The following AMOTL1 variants were observed in gnomAD, a reference collection of about 807,000 sequenced individuals.
AMOTL1 encodes the protein angiomotin-like protein 1.
In AMOTL1, 45 loss-of-function variants were observed where a neutral mutation model predicts 102.9. The observed-to-expected ratio is 0.44, with a 90% CI of 0.34 to 0.56. The LOEUF (loss-of-function observed/expected upper bound fraction) is 0.56. AMOTL1 is among the 20% of genes least tolerant of loss of function. The probability of loss-of-function intolerance (pLI) is 0.01; values close to 1 mark genes in which losing one functional copy is unlikely to be tolerated. For synonymous variants in AMOTL1, 481 were observed against 484.7 expected (o/e 0.99, Z 0.10); for missense variants, 1,114 against 1,225.6 (o/e 0.91, Z 1.36).
At chr11:94,730,271 G>A (rs976005509) in intron 2 of AMOTL1, among the ~76,000 whole-genome samples, 1 of 152,084 alleles carries the variant, frequency 6.6e-6, no homozygotes, top group Non-Finnish European at 1.5e-5. Flanking sequence ...CCTTCTCACT[G>A]TATCAGCCTC....
chr11:94,779,163 T>C (rs1323616814), intron 1 of AMOTL1, among the ~76,000 whole-genome samples: 1 of 152,184 alleles, frequency 6.6e-6, no homozygotes, highest in Admixed American at 6.5e-5. Context: ...TTAGATAAAG[T>C]ATGAAAAACG....
intron 1 of AMOTL1, among the ~76,000 whole-genome samples, chr11:94,707,014 C>G (rs1278945944): frequency 1.3e-5 from 2 of 152,008 alleles, no homozygotes; most frequent in Non-Finnish European, 2.9e-5. Flanking sequence ...CTCTGGAGAG[C>G]CTTGATTTGC....
In AMOTL1 at chr11:94,874,130, T is replaced by C. The variant is rs895293541; in HGVS notation, c.*3335T>C. On this transcript the variant is annotated 3_prime_UTR_variant, in exon 13 of 13. Coordinates refer to ENST00000433060, the MANE Select transcript of AMOTL1 (RefSeq NM_130847.3). ...TTCTGTGTGCTGCCAGGATATTATA[T>C]GGAACTGGAGAAGTTGGAGTCAGGT... is the stretch of plus-strand genomic sequence containing the variant. 7 of 152,266 alleles carry C rather than the reference T, an allele frequency of 4.6e-5. No homozygotes were observed. The highest frequency in any genetic ancestry group is 1.0e-4 in the Non-Finnish European group (7 of 68,072). The allele number at this position is 152,266 out of a possible 1,614,324, so 9.4% of individuals were successfully genotyped here. A position where few individuals can be genotyped will look rare whatever the true frequency, so the allele number is the denominator to read the frequency against.
At chr11:94,723,371 A>G (rs1003864355) in intron 1 of AMOTL1, among the ~76,000 whole-genome samples, 6 of 152,178 alleles carry the variant, frequency 3.9e-5, no homozygotes, top group Admixed American at 6.6e-5. Flanking sequence ...TGTGGTCTCA[A>G]TGAACCAACT....
chr11:94,709,971 A>T (rs1949996432), intron 1 of AMOTL1, among the ~76,000 whole-genome samples: 1 of 152,146 alleles, frequency 6.6e-6, no homozygotes, highest in Admixed American at 6.5e-5. Context: ...AGTTAAAAAG[A>T]CTCGAGAAAG....
At chr11:94,813,588 G>A (rs1951718103) in intron 3 of AMOTL1, among the ~76,000 whole-genome samples, 1 of 152,186 alleles carries the variant, frequency 6.6e-6, no homozygotes, top group African/African-American at 2.4e-5. Flanking sequence ...CACACCCACT[G>A]CATAACCTGC....
chr11:94,868,187 G>A lies in AMOTL1; in HGVS notation c.2489-1011G>A, dbSNP rs954951110. ...TTGCATTTTGAAAAGCACTGCTCTCGACAAACTGAACTGCCCTGAGTTCTA... is the reference window on the plus strand; with the variant it reads ...TTGCATTTTGAAAAGCACTGCTCTCAACAAACTGAACTGCCCTGAGTTCTA... On this transcript the variant is annotated intron_variant, in intron 11 of 12. Coordinates refer to ENST00000433060, the MANE Select transcript of AMOTL1 (RefSeq NM_130847.3). 4.6e-5 allele frequency among the ~76,000 whole-genome samples: 7 copies of A among 152,296 alleles called. 1 individual carries two copies. Among genetic ancestry groups the A allele is most frequent in the South Asian group, 4.1e-4 (2 of 4,828 alleles).
chr11:94,755,532 A>C (rs774045670), intron 3 of AMOTL1, among the ~76,000 whole-genome samples: 11 of 152,198 alleles, frequency 7.2e-5, no homozygotes, highest in Admixed American at 7.2e-4. Context: ...TTCTTTATAG[A>C]GAGCTGAAAC....
At chr11:94,809,083 A>AC (rs1951623053) in intron 3 of AMOTL1, among the ~76,000 whole-genome samples, 1 of 145,710 alleles carries the variant, frequency 6.9e-6, no homozygotes, top group Non-Finnish European at 1.5e-5. Context: ...TGATTCTCCT[A>AC]CCTCAGCCTC....
At chr11:94,739,684 C>A (rs1188115164) in intron 2 of AMOTL1, among the ~76,000 whole-genome samples, 1 of 152,126 alleles carries the variant, frequency 6.6e-6, no homozygotes, top group Non-Finnish European at 1.5e-5. Flanking sequence ...AAAGGACAAC[C>A]ATTTCCATAC....
chr11:94,823,409 A>G (rs1411405754), intron 4 of AMOTL1, among the ~76,000 whole-genome samples: 1 of 152,060 alleles, frequency 6.6e-6, no homozygotes, highest in Non-Finnish European at 1.5e-5. Context: ...GGAAATAGGC[A>G]TGTTGTCTCA....
chr11:94,768,238 G>T, upstream of AMOTL1: 4 of 1,183,804 alleles, frequency 3.4e-6, no homozygotes, highest in Non-Finnish European at 4.2e-6. Context: ...CTGCAGACGG[G>T]CTCTAGGGCC....
intron 3 of AMOTL1, among the ~76,000 whole-genome samples, chr11:94,807,485 A>T (rs1591986252): frequency 6.6e-6 from 1 of 152,222 alleles, no homozygotes; most frequent in South Asian, 2.1e-4. Flanking sequence ...AGATAATAAA[A>T]TTTTTTTAAG....
chr11:94,750,817 T>C (rs1950644311), intron 3 of AMOTL1, among the ~76,000 whole-genome samples: 1 of 152,188 alleles, frequency 6.6e-6, no homozygotes, highest in Non-Finnish European at 1.5e-5. Context: ...AATCACAAAA[T>C]AGTTCAGCGT....
At chr11:94,809,516 G>A (rs755969256) in intron 3 of AMOTL1, among the ~76,000 whole-genome samples, 3 of 152,190 alleles carry the variant, frequency 2.0e-5, no homozygotes, top group South Asian at 2.1e-4. Context: ...TTCCTCACAC[G>A]GGCTGTAGGG....
intron 3 of AMOTL1, among the ~76,000 whole-genome samples, chr11:94,812,719 C>T (rs900895051): frequency 5.3e-5 from 8 of 152,072 alleles, no homozygotes; most frequent in Non-Finnish European, 8.8e-5. Context: ...TTCCCTTTGG[C>T]TTAGTGATTT....
chr11:94,830,907 T>C (rs1163017278), intron 5 of AMOTL1, among the ~76,000 whole-genome samples: 1 of 152,268 alleles, frequency 6.6e-6, no homozygotes, highest in African/African-American at 2.4e-5. Context: ...CTGCATCCAG[T>C]GAATACTTGT....
chr11:94,834,693 G>A (rs183331923), intron 6 of AMOTL1, among the ~76,000 whole-genome samples: 10 of 152,314 alleles, frequency 6.6e-5, no homozygotes, highest in African/African-American at 2.4e-4. Flanking sequence ...TCAGAGGGAA[G>A]GGAGAAGTAG....
chr11:94,836,449 T>C (rs780295942), intron 6 of AMOTL1, among the ~76,000 whole-genome samples: 1 of 152,302 alleles, frequency 6.6e-6, no homozygotes. Context: ...GAGAGAACTA[T>C]AGACGTTCTT....
Sources: gnomAD v4.1 joint callset for allele counts (sites outside exome capture counted in the v4.1 genomes callset) on GRCh38, gnomAD v4.1.1 for gene constraint, MANE v1.5 for transcripts, NCBI Gene and HGNC (gene_info 2026-07-23, HGNC 2026-07-21) for gene names.